GRIA1: variants seen among roughly 807,000 people sequenced by gnomAD.
GRIA1 encodes the protein glutamate receptor 1.
GRIA1 carries 31 observed loss-of-function variants against 99.2 expected under a neutral mutation model. That is an observed-to-expected ratio of 0.31 (90% confidence interval 0.23 to 0.42). The LOEUF is 0.42. Among genes scored for constraint, GRIA1 ranks in the 10% least tolerant of loss-of-function variants. The probability of loss-of-function intolerance (pLI) is 1.00; values close to 1 mark genes in which losing one functional copy is unlikely to be tolerated. For synonymous variants in GRIA1, 438 were observed against 432.4 expected, an observed-to-expected ratio of 1.01 and a Z score of -0.16; for missense variants, 782 against 1,157.5, an observed-to-expected ratio of 0.68 and a Z score of 4.71.
At chr5:153,794,330 T>C (rs983575345) in intron 13 of GRIA1, among the ~76,000 whole-genome samples, 1 of 152,180 alleles carries the variant, frequency 6.6e-6, no homozygotes, top group African/African-American at 2.4e-5. Context: ...AAAAGAAATC[T>C]ATAAAAGCAG....
chr5:153,724,043 C>A (rs10071510), intron 11 of GRIA1, among the ~76,000 whole-genome samples: 18,698 of 152,168 alleles, frequency 0.12, 1,226 homozygotes, highest in Middle Eastern at 0.26. Flanking sequence ...TCCTCTGAGA[C>A]AAAACTTCCA....
At chr5:153,697,221 C>G (rs1335504844) in intron 8 of GRIA1, among the ~76,000 whole-genome samples, 1 of 152,168 alleles carries the variant, frequency 6.6e-6, no homozygotes, top group African/African-American at 2.4e-5. Flanking sequence ...CTCCTTAGGC[C>G]CACTCACTTG....
intron 11 of GRIA1, among the ~76,000 whole-genome samples, chr5:153,758,470 G>A (rs1197325571): frequency 6.6e-6 from 1 of 151,602 alleles, no homozygotes; most frequent in Non-Finnish European, 1.5e-5. Context: ...GACAAAGAAG[G>A]CAATTATATA....
intron 13 of GRIA1, among the ~76,000 whole-genome samples, chr5:153,781,463 C>G (rs1243651399): frequency 1.3e-5 from 2 of 152,126 alleles, no homozygotes; most frequent in East Asian, 3.9e-4. Context: ...CTTCTGCCCT[C>G]CACCCATATT....
chr5:153,616,134 A>G (rs555430985), intron 2 of GRIA1, among the ~76,000 whole-genome samples: 17 of 152,102 alleles, frequency 1.1e-4, no homozygotes, highest in African/African-American at 3.9e-4. Flanking sequence ...CAGATTCAGT[A>G]TCACTTCTGC....
chr5:153,518,731 C>A (rs1756854648), intron 2 of GRIA1, among the ~76,000 whole-genome samples: 1 of 152,078 alleles, frequency 6.6e-6, no homozygotes, highest in African/African-American at 2.4e-5. Flanking sequence ...CCACAATAAA[C>A]TTATGAGTTA....
chr5:153,809,058 G>A (rs1421112472), intron 15 of GRIA1, among the ~76,000 whole-genome samples: 1 of 152,210 alleles, frequency 6.6e-6, no homozygotes, highest in African/African-American at 2.4e-5. Context: ...GGTGATCTGT[G>A]TAAACTTTAG....
At chr5:153,675,409 C>T (rs1756500919) in intron 6 of GRIA1, among the ~76,000 whole-genome samples, 1 of 152,246 alleles carries the variant, frequency 6.6e-6, no homozygotes, top group African/African-American at 2.4e-5. Flanking sequence ...CACTTCCCAG[C>T]AACACAGCTC....
At chr5:153,627,203 T>C (rs1357786873) in intron 2 of GRIA1, among the ~76,000 whole-genome samples, 2 of 152,168 alleles carry the variant, frequency 1.3e-5, no homozygotes, top group African/African-American at 2.4e-5. Context: ...GAAACAATAG[T>C]AGTCATTTAC....
rs1760726216 is a variant in GRIA1 at position 153,728,295 on chromosome 5, G to A, written c.1823+22228G>A. The stretch of plus-strand genomic sequence containing the variant: ...CATAAAAACCCTAGAAGAAAACCTA[G>A]GCATTACCATTCAGGACATAGGCAT... On this transcript the variant is annotated intron_variant, in intron 11 of 15. Coordinates refer to ENST00000285900, the MANE Select transcript of GRIA1 (RefSeq NM_000827.4). 2.7e-5 allele frequency among the ~76,000 whole-genome samples: 4 copies of A among 148,396 alleles called. No homozygotes were observed. In the South Asian group the frequency reaches 6.5e-4, roughly 24 times the overall value.
At chr5:153,606,730 T>G (rs921541350) in intron 2 of GRIA1, among the ~76,000 whole-genome samples, 9 of 151,912 alleles carry the variant, frequency 5.9e-5, no homozygotes, top group Non-Finnish European at 1.3e-4. Context: ...TATATTGATT[T>G]TATGTCTCGT....
chr5:153,802,226 T>C, intron 14 of GRIA1, 130 bp from the exon 15 acceptor site: 1 of 700,538 alleles, frequency 1.4e-6, no homozygotes, highest in Non-Finnish European at 2.5e-6. Context: ...CCTATCCAGC[T>C]ATTGCAAATG....
Position 153,803,894 on chromosome 5 carries a change from C to T in GRIA1, c.2520+1404C>T, listed in dbSNP as rs145942012. ...CGCCCTTGGAGAAGATATCTCTGAA[C>T]ATTTGCTCATTCTGTTTAGAAATTC... On this transcript the variant is annotated intron_variant, in intron 15 of 15. Coordinates refer to ENST00000285900, the MANE Select transcript of GRIA1 (RefSeq NM_000827.4). Among the ~76,000 whole-genome samples the T allele has an allele frequency of 5.5e-4, 83 of 152,280 alleles. 3 individuals carry two copies. The East Asian group carries it at 0.014, about 25-fold the overall frequency.
At chr5:153,548,437 T>TA (rs1759807276) in intron 2 of GRIA1, among the ~76,000 whole-genome samples, 1 of 152,138 alleles carries the variant, frequency 6.6e-6, no homozygotes, top group Non-Finnish European at 1.5e-5. Context: ...TATTCACAAG[T>TA]AAACTGAGAC....
intron 13 of GRIA1, among the ~76,000 whole-genome samples, chr5:153,779,130 T>C (rs1764472742): frequency 6.6e-6 from 1 of 152,206 alleles, no homozygotes. Flanking sequence ...ACCAATGATG[T>C]GCTGGGCAAT....
At chr5:153,497,758 C>T (rs1032936431) in intron 2 of GRIA1, among the ~76,000 whole-genome samples, 1 of 152,190 alleles carries the variant, frequency 6.6e-6, no homozygotes, top group South Asian at 2.1e-4. Flanking sequence ...TTTTTGAGCC[C>T]TCAACCAAAC....
At chr5:153,713,566 C>T (rs1759473858) in intron 11 of GRIA1, among the ~76,000 whole-genome samples, 1 of 152,208 alleles carries the variant, frequency 6.6e-6, no homozygotes, top group Non-Finnish European at 1.5e-5. Flanking sequence ...GTTTCACAAG[C>T]TCCAAAGGCA....
At chr5:153,759,557 T>C (rs542426865) in intron 11 of GRIA1, among the ~76,000 whole-genome samples, 73 of 152,086 alleles carry the variant, frequency 4.8e-4, no homozygotes, top group African/African-American at 1.7e-3. Flanking sequence ...ATTGAATCAG[T>C]AATAAAAAGT....
chr5:153,660,221 A>G (rs575348753), intron 5 of GRIA1, among the ~76,000 whole-genome samples: 1 of 152,314 alleles, frequency 6.6e-6, no homozygotes, highest in East Asian at 1.9e-4. Context: ...TGAGTCACTG[A>G]ATTAGAATTC....
Sources: allele counts gnomAD v4.1 joint callset (sites outside exome capture counted in the v4.1 genomes callset), GRCh38; gene constraint gnomAD v4.1.1; transcripts MANE v1.5; gene names NCBI Gene and HGNC (gene_info 2026-07-23, HGNC 2026-07-21).